The following VPS33B variants were observed in gnomAD, a reference collection of about 807,000 sequenced individuals.
The protein encoded by VPS33B is vacuolar protein sorting-associated protein 33B.
VPS33B carries 80 observed loss-of-function variants against 95.3 expected under a neutral mutation model. The observed-to-expected ratio is 0.84, with a 90% CI of 0.70 to 1.01. The LOEUF (loss-of-function observed/expected upper bound fraction) is 1.01. VPS33B is among the 50% of genes least tolerant of loss of function. The pLI, the probability that VPS33B is intolerant of heterozygous loss-of-function variation, is 0.00. For synonymous variants in VPS33B, 280 were observed against 280.4 expected, an observed-to-expected ratio of 1.00 and a Z score of 0.01; for missense variants, 715 against 773.4, an observed-to-expected ratio of 0.92 and a Z score of 0.90.
rs771177544 is a variant in VPS33B at position 91,002,102 on chromosome 15, G to T, written c.1353C>A (p.Thr451=). 1 of 1,614,140 alleles carries T rather than the reference G, an allele frequency of 6.2e-7. No homozygotes were observed. Among genetic ancestry groups the T allele is most frequent in the Non-Finnish European group, 8.5e-7 (1 of 1,180,032 alleles). Residue 451 remains threonine (T), a synonymous_variant, in exon 18 of 23, where the codon ACC becomes ACA. Coordinates refer to ENST00000333371, the MANE Select transcript of VPS33B (RefSeq NM_018668.5). The surrounding 1 kb of genome is among the most constrained non-coding windows in gnomAD (Gnocchi z 4.7). The part of the protein sequence containing the change: ...GLLTEQAPGD[T]LTAVESKVSK... The stretch of plus-strand genomic sequence containing the variant: ...TCACTTTACTCTCCACGGCTGTGAG[G>T]GTGTCCCCGGGGGCCTGCTCCGTTA...
rs1386617044 is a variant in VPS33B, at chr15:90,999,907, T to C, written c.1650A>G (p.Ala550=). ...VVRLLNCSDF[A]FTDMTKEDKA... is the part of the protein sequence containing the mutation. ...ACTGTTAATGCCACATACCTGTGAA[T>C]GCAAAGTCACTGCAGTTGAGCAGCC... The change falls in exon 21 of 23, where the codon GCA becomes GCG. Residue 550 remains alanine, a synonymous_variant. Transcript: ENST00000333371. The surrounding 1 kb of genome is among the most constrained non-coding windows in gnomAD (Gnocchi z 5.1). 6.2e-6 allele frequency: 10 copies of C among 1,614,116 alleles called. No homozygotes were observed. The highest frequency in any genetic ancestry group is 5.3e-5 in the African/African-American group (4 of 74,936).
Position 91,018,081 on chromosome 15 carries a change from T to C in VPS33B, c.97-196A>G. The C allele has an allele frequency of 1.7e-6, 1 of 605,660 alleles. No individual in the cohort carries two copies. Among genetic ancestry groups the C allele is most frequent in the Non-Finnish European group, 3.0e-6 (1 of 333,474 alleles). The allele number at this position is 605,660 out of a possible 1,614,324, so 37.5% of individuals were successfully genotyped here. A position where few individuals can be genotyped will look rare whatever the true frequency, so the allele number is the denominator to read the frequency against. ...TATATTTACCTATTTTGCCTTCTCG[T>C]TTTCTGTACCAGTGGGAAGAAGACA... is the stretch of plus-strand genomic sequence containing the variant. On this transcript the variant is annotated intron_variant, in intron 1 of 22. Transcript: ENST00000333371. The surrounding 1 kb of genome is among the most constrained non-coding windows in gnomAD (Gnocchi z 4.7).
In VPS33B at chr15:91,005,982, G is replaced by C. The variant is rs1396157418; in HGVS notation, c.930C>G (p.Ala310=). 4 of 1,614,078 alleles carry C rather than the reference G, an allele frequency of 2.5e-6. No homozygotes were observed. The highest frequency in any genetic ancestry group is 1.7e-5 in the Admixed American group (1 of 60,016). ...FLSQKARNLQ[A]QYDRRRGMDI... is the part of the protein sequence containing the mutation. ...GGGCTTGGAGCCTCACATCATACTG[G>C]GCCTGCAAGTTCCGGGCCTTCTGGC... Residue 310 remains alanine (A), a synonymous_variant, in exon 12 of 23, where the codon GCC becomes GCG. Transcript: ENST00000333371. The surrounding 1 kb of genome is among the most constrained non-coding windows in gnomAD (Gnocchi z 6.4).
Position 91,001,371 on chromosome 15 carries a change from CA to C in VPS33B, c.1479+17del. On this transcript the variant is annotated intron_variant, in intron 19 of 22. Coordinates refer to ENST00000333371, the MANE Select transcript of VPS33B (RefSeq NM_018668.5). ...GAATGAACCCACTGTCTCCCCTAAC[CA>C]TCCCTGTTCCACATACCAAATTCAG... 1 of 1,603,712 alleles carries C rather than the reference CA, an allele frequency of 6.2e-7. No individual in the cohort carries two copies. Among genetic ancestry groups the C allele is most frequent in the Non-Finnish European group, 8.5e-7 (1 of 1,170,974 alleles).
Position 91,000,580 on chromosome 15 carries a change from C to T in VPS33B, c.1491G>A (p.Val497=), listed in dbSNP as rs765172002. ...ISKKLNLIPR[V]DGEYDLKVPR... ...GCACTTTCAGATCATACTCGCCGTC[C>T]ACACGTGGGATCTGTAAGACAAAGG... The change falls in exon 20 of 23, where the codon GTG becomes GTA. Residue 497 remains valine (V), a synonymous_variant. Transcript: ENST00000333371. The surrounding 1 kb of genome is among the most constrained non-coding windows in gnomAD (Gnocchi z 4.9). 5 of 1,612,608 alleles carry T rather than the reference C, an allele frequency of 3.1e-6. No individual in the cohort carries two copies. Among genetic ancestry groups the T allele is most frequent in the Non-Finnish European group, 4.2e-6 (5 of 1,179,072 alleles).
At chr15:91,008,068 G>A in intron 6 of VPS33B, 104 bp from the exon 7 acceptor site, 1 of 1,022,986 alleles carries the variant, frequency 9.8e-7, no homozygotes, top group Non-Finnish European at 1.5e-6. Context: ...AAATATATGA[G>A]TGCCTGCCAC....
At position 91,000,438 on chromosome 15, in the gene VPS33B, A is replaced by G; in HGVS notation, c.1581+52T>C. 2.0e-6 allele frequency: 3 copies of G among 1,531,168 alleles called. No homozygotes were observed. The highest frequency in any genetic ancestry group is 2.3e-5 in the East Asian group (1 of 43,494). The allele number at this position is 1,531,168 out of a possible 1,614,324, so 94.8% of individuals were successfully genotyped here. A position where few individuals can be genotyped will look rare whatever the true frequency, so the allele number is the denominator to read the frequency against. Reference sequence around the variant, plus strand: ...ACATTGAGACACGCCAGGGACCAAGAGAAAGCAGAGAGAATGAAATATGAA... The same window carrying G: ...ACATTGAGACACGCCAGGGACCAAGGGAAAGCAGAGAGAATGAAATATGAA... On this transcript the variant is annotated intron_variant, in intron 20 of 22. Transcript: ENST00000333371. This position sits in a 1 kb window ranked among gnomAD's most constrained non-coding sequence, Gnocchi z 4.9.
chr15:91,000,046 C>G lies in VPS33B; in HGVS notation c.1582-71G>C. The G allele has an allele frequency of 6.3e-7, 1 of 1,579,236 alleles. No individual in the cohort carries two copies. The highest frequency in any genetic ancestry group is 8.7e-7 in the Non-Finnish European group (1 of 1,154,646). The stretch of plus-strand genomic sequence containing the variant: ...GCTTAGGAAAGGAAGGGCACAGCAG[C>G]CAGACTGTCACATTTCTTGCTCATT... On this transcript the variant is annotated intron_variant, in intron 20 of 22. Transcript: ENST00000333371. The surrounding 1 kb of genome is among the most constrained non-coding windows in gnomAD (Gnocchi z 4.9).
rs1453225017 is a variant in VPS33B at position 91,007,748 on chromosome 15, A to G, written c.498+122T>C. On this transcript the variant is annotated intron_variant, in intron 7 of 22. Coordinates refer to ENST00000333371, the MANE Select transcript of VPS33B (RefSeq NM_018668.5). The surrounding 1 kb of genome is among the most constrained non-coding windows in gnomAD (Gnocchi z 5.3). ...CCAATCTGTAGCACTCAATCACCACATCACTATCACTTGTGATAAATTACT... is the reference window on the plus strand; with the variant it reads ...CCAATCTGTAGCACTCAATCACCACGTCACTATCACTTGTGATAAATTACT... 1.7e-6 allele frequency: 2 copies of G among 1,163,342 alleles called. No individual in the cohort carries two copies. The highest frequency in any genetic ancestry group is 1.5e-5 in the African/African-American group (1 of 66,124). The allele number at this position is 1,163,342 out of a possible 1,614,324, so 72.1% of individuals were successfully genotyped here. A position where few individuals can be genotyped will look rare whatever the true frequency, so the allele number is the denominator to read the frequency against.
Position 91,017,367 on chromosome 15 carries a change from AATATATATATATATATAT to A in VPS33B, c.178-361_178-344del, listed in dbSNP as rs1159663715. Among the ~76,000 whole-genome samples, 67 of 15,846 alleles carry A rather than the reference AATATATATATATATATAT, an allele frequency of 4.2e-3. 3 individuals are homozygous for A. Among genetic ancestry groups the A allele is most frequent in the Admixed American group, 0.011 (10 of 898 alleles). 10.4% of individuals were successfully genotyped at this position (15,846 alleles called of 152,430 possible). A position where few individuals can be genotyped will look rare whatever the true frequency, so the allele number is the denominator to read the frequency against. ...ACAAGACTCCATCTCTACAAAATTA[AATATATATATATATATAT>A]ATATATATATATATATATATATATA... is the stretch of plus-strand genomic sequence containing the variant. On this transcript the variant is annotated intron_variant, in intron 2 of 22. Coordinates refer to ENST00000333371, the MANE Select transcript of VPS33B (RefSeq NM_018668.5).
intron 5 of VPS33B, among the ~76,000 whole-genome samples, chr15:91,012,085 G>T (rs138427787): frequency 0.028 from 4,216 of 150,702 alleles, 193 homozygotes; most frequent in African/African-American, 0.095. Context: ...AAAAAAAAAG[G>T]TTTGTAAGAG....
chr15:91,011,553 C>T lies in VPS33B; in HGVS notation c.358-1707G>A, dbSNP rs2040779515. 6.6e-6 allele frequency among the ~76,000 whole-genome samples: 1 copy of T among 152,132 alleles called. No individual in the cohort carries two copies. Among genetic ancestry groups the T allele is most frequent in the African/African-American group, 2.4e-5 (1 of 41,416 alleles). On this transcript the variant is annotated intron_variant, in intron 5 of 22. Coordinates refer to ENST00000333371, the MANE Select transcript of VPS33B (RefSeq NM_018668.5). This position sits in a 1 kb window ranked among gnomAD's most constrained non-coding sequence, Gnocchi z 5.5. The stretch of plus-strand genomic sequence containing the variant: ...CTCAAAGAAGAGAGAGAGATGCCTC[C>T]TAATATAAAATTAGGTCAAAGAATT...
In VPS33B at chr15:91,003,069, A is replaced by G. The variant is rs754966201; in HGVS notation, c.1272+16T>C. 4.3e-6 allele frequency: 7 copies of G among 1,614,038 alleles called. No individual in the cohort carries two copies. Among genetic ancestry groups the G allele is most frequent in the African/African-American group, 2.7e-5 (2 of 75,018 alleles). On this transcript the variant is annotated intron_variant, in intron 17 of 22. Transcript: ENST00000333371. ...CTCCATCAAGTTCCCTCAAGAATAC[A>G]TTCTCCAGGCCTTACCTGCAGATAC...
chr15:91,013,899 A>C lies in VPS33B; in HGVS notation c.290-28T>G. On this transcript the variant is annotated intron_variant, in intron 4 of 22. Transcript: ENST00000333371. The surrounding 1 kb of genome is among the most constrained non-coding windows in gnomAD (Gnocchi z 4.5). Reference sequence around the variant, plus strand: ...ACAGAGAGAAGGAATGCAGCCCAGCAAGTCATGGGCCATCTGTTATGCTAG... The same window carrying C: ...ACAGAGAGAAGGAATGCAGCCCAGCCAGTCATGGGCCATCTGTTATGCTAG... 1 of 1,613,714 alleles carries C rather than the reference A, an allele frequency of 6.2e-7. No individual in the cohort carries two copies. The highest frequency in any genetic ancestry group is 1.3e-5 in the African/African-American group (1 of 75,024).
downstream of VPS33B, chr15:90,998,635 A>G (rs1405905145): frequency 1.3e-5 from 5 of 374,812 alleles, no homozygotes; most frequent in Non-Finnish European, 2.1e-5. This position sits in a 1 kb window ranked among gnomAD's most constrained non-coding sequence, Gnocchi z 4.8. Flanking sequence ...GGCTTTCACT[A>G]ATAAAGATGG....
At chr15:91,017,547 C>T (rs2040977387) in intron 2 of VPS33B, among the ~76,000 whole-genome samples, 1 of 151,268 alleles carries the variant, frequency 6.6e-6, no homozygotes, top group Admixed American at 6.6e-5. Flanking sequence ...CACCTGAGTC[C>T]AGGAGGTCAA....
chr15:91,003,954 T>C (rs2040519360), intron 16 of VPS33B, among the ~76,000 whole-genome samples: 1 of 152,176 alleles, frequency 6.6e-6, no homozygotes, highest in South Asian at 2.1e-4. Flanking sequence ...CCGGGCACAG[T>C]AGCTCACTCC....
rs572895638 is a variant in VPS33B at position 90,999,316 on chromosome 15, G to C, written c.1775-262C>G. On this transcript the variant is annotated intron_variant, in intron 22 of 22. Coordinates refer to ENST00000333371, the MANE Select transcript of VPS33B (RefSeq NM_018668.5). This position sits in a 1 kb window ranked among gnomAD's most constrained non-coding sequence, Gnocchi z 5.1. The stretch of plus-strand genomic sequence containing the variant: ...AATATTCCTGTGCAGGACACTTTGC[G>C]TGTTTTTTTTTTTTCTCTTGAGATG... The C allele has an allele frequency of 2.3e-5, 13 of 558,312 alleles. No individual in the cohort carries two copies. In the South Asian group the frequency reaches 2.5e-4, roughly 11 times the overall value. The allele number at this position is 558,312 out of a possible 1,614,324, so 34.6% of individuals were successfully genotyped here.
Position 91,000,771 on chromosome 15 carries a change from G to A in VPS33B, c.1480-180C>T. Reference sequence around the variant, plus strand: ...GGCAGTTTTTGTTCAGTAACTGCCAGTTCTCTGGAATGAGTTCCCATGCGC... The same window carrying A: ...GGCAGTTTTTGTTCAGTAACTGCCAATTCTCTGGAATGAGTTCCCATGCGC... On this transcript the variant is annotated intron_variant, in intron 19 of 22. Transcript: ENST00000333371. The surrounding 1 kb of genome is among the most constrained non-coding windows in gnomAD (Gnocchi z 4.9). The A allele has an allele frequency of 1.7e-6, 1 of 594,852 alleles. No individual in the cohort carries two copies. Among genetic ancestry groups the A allele is most frequent in the Admixed American group, 2.4e-5 (1 of 42,216 alleles). The allele number at this position is 594,852 out of a possible 1,614,324, so 36.8% of individuals were successfully genotyped here.
Sources: allele counts gnomAD v4.1 joint callset (sites outside exome capture counted in the v4.1 genomes callset), GRCh38; gene constraint gnomAD v4.1.1; non-coding constraint Gnocchi (gnomAD v3.1); transcripts MANE v1.5; gene names NCBI Gene and HGNC (gene_info 2026-07-23, HGNC 2026-07-21).